Variants in ARID2 observed in about 807,000 individuals in gnomAD.
ARID2 encodes AT-rich interaction domain 2, also known as AT-rich interactive domain-containing protein 2.
A neutral mutation model predicts 184.6 loss-of-function variants in ARID2; 32 were observed. That is an observed-to-expected ratio of 0.17 (90% CI 0.13 to 0.23). ARID2 has a LOEUF of 0.23. Among genes scored for constraint, ARID2 ranks in the 10% least tolerant of loss-of-function variants. ARID2 has a pLI of 1.00. For synonymous variants in ARID2, 836 were observed against 772.6 expected (o/e 1.08, Z -1.36); for missense variants, 1,696 against 2,197.6 (o/e 0.77, Z 4.56).
chr12:45,745,997 T>C (rs945913644), intron 3 of ARID2, among the ~76,000 whole-genome samples: 2 of 152,216 alleles, frequency 1.3e-5, no homozygotes, highest in African/African-American at 4.8e-5. Flanking sequence ...TTGTTTTTTT[T>C]TTTAAATAAC....
In ARID2 at chr12:45,811,538, A is replaced by G; in HGVS notation, c.405A>G (p.Gln135=). The G allele has an allele frequency of 3.1e-6, 5 of 1,613,504 alleles. No homozygotes were observed. The highest frequency in any genetic ancestry group is 1.1e-5 in the South Asian group (1 of 90,944). Residue 135 remains glutamine (Q), a synonymous_variant, in exon 4 of 21, where the codon CAA becomes CAG. Coordinates refer to ENST00000334344, the MANE Select transcript of ARID2 (RefSeq NM_152641.4). ...GAIPSSYNYQ[Q]HSVSDYLRQS... ...TTCCATCTTCCTACAATTACCAGCA[A>G]CACAGTGTGTCGGGTAAATATCACT...
intron 6 of ARID2, among the ~76,000 whole-genome samples, chr12:45,829,205 G>A (rs185769176): frequency 1.1e-4 from 16 of 152,002 alleles, no homozygotes; most frequent in Non-Finnish European, 1.8e-4. Flanking sequence ...AATCATATAT[G>A]TATAGATCTT....
intron 3 of ARID2, among the ~76,000 whole-genome samples, chr12:45,735,535 C>A (rs1297995778): frequency 6.6e-6 from 1 of 151,234 alleles, no homozygotes; most frequent in Non-Finnish European, 1.5e-5. Context: ...CCTCAGCCTT[C>A]CAAAGTGCTG....
chr12:45,744,675 A>G (rs1456131064), intron 3 of ARID2, among the ~76,000 whole-genome samples: 1 of 152,140 alleles, frequency 6.6e-6, no homozygotes, highest in Non-Finnish European at 1.5e-5. Flanking sequence ...CTTGATTTTT[A>G]TATTCTCAAG....
intron 3 of ARID2, among the ~76,000 whole-genome samples, chr12:45,759,552 T>C (rs1452928763): frequency 1.3e-5 from 2 of 152,186 alleles, no homozygotes; most frequent in Non-Finnish European, 2.9e-5. Context: ...TAAAGGTAAT[T>C]GGTGTACTTA....
At chr12:45,896,100 G>A (rs531379944) in intron 20 of ARID2, among the ~76,000 whole-genome samples, 1 of 152,314 alleles carries the variant, frequency 6.6e-6, no homozygotes, top group South Asian at 2.1e-4. Flanking sequence ...AGTTATGTGT[G>A]AGTGACACGA....
chr12:45,766,829 T>G (rs1941781006), intron 3 of ARID2, among the ~76,000 whole-genome samples: 1 of 150,582 alleles, frequency 6.6e-6, no homozygotes, highest in African/African-American at 2.4e-5. Flanking sequence ...ATATTTAATT[T>G]TTAAAGAAGT....
At chr12:45,817,921 T>C (rs988126373) in intron 5 of ARID2, 33 bp downstream of exon 5, 3 of 1,537,792 alleles carry the variant, frequency 2.0e-6, no homozygotes, top group Non-Finnish European at 2.6e-6. Flanking sequence ...TATATAATTC[T>C]TCTGTAAAAG....
intron 20 of ARID2, among the ~76,000 whole-genome samples, chr12:45,900,372 G>C (rs921931396): frequency 6.6e-6 from 1 of 151,832 alleles, no homozygotes; most frequent in East Asian, 1.9e-4. Flanking sequence ...TTTTGTCTCT[G>C]TATTAGGCCC....
intron 3 of ARID2, among the ~76,000 whole-genome samples, chr12:45,736,033 T>C (rs1941110862): frequency 6.6e-6 from 1 of 152,222 alleles, no homozygotes. Context: ...TCATAGTTGA[T>C]CGTGTGAAAT....
chr12:45,869,856 C>G (rs974774054), intron 16 of ARID2, among the ~76,000 whole-genome samples: 1 of 152,088 alleles, frequency 6.6e-6, no homozygotes, highest in African/African-American at 2.4e-5. Flanking sequence ...GCATTCCAGC[C>G]TGTGTGACAG....
chr12:45,812,290 T>G (rs1188523933), intron 4 of ARID2, among the ~76,000 whole-genome samples: 2 of 151,868 alleles, frequency 1.3e-5, no homozygotes, highest in Non-Finnish European at 2.9e-5. Flanking sequence ...TCATTATTAT[T>G]ATTTACTGGT....
chr12:45,754,825 T>G (rs1941536106), intron 3 of ARID2, among the ~76,000 whole-genome samples: 1 of 152,210 alleles, frequency 6.6e-6, no homozygotes, highest in South Asian at 2.1e-4. Flanking sequence ...AATTAGTGCA[T>G]AGGAGTTACC....
At chr12:45,773,868 T>C (rs771470761) in intron 3 of ARID2, among the ~76,000 whole-genome samples, 3 of 152,292 alleles carry the variant, frequency 2.0e-5, no homozygotes, top group African/African-American at 4.8e-5. Flanking sequence ...ATAGACTTAG[T>C]TGGGGACAGA....
intron 16 of ARID2, among the ~76,000 whole-genome samples, chr12:45,864,208 T>A (rs1380703953): frequency 6.6e-6 from 1 of 152,108 alleles, no homozygotes; most frequent in African/African-American, 2.4e-5. Context: ...TCTTATATCA[T>A]CACATATTGA....
At chr12:45,801,788 A>T (rs1942506256) in intron 3 of ARID2, among the ~76,000 whole-genome samples, 3 of 151,978 alleles carry the variant, frequency 2.0e-5, no homozygotes. Flanking sequence ...AAATGTGTGT[A>T]TTGGGGGGTG....
intron 6 of ARID2, among the ~76,000 whole-genome samples, chr12:45,829,236 G>C (rs1943062802): frequency 6.6e-6 from 1 of 151,802 alleles, no homozygotes; most frequent in African/African-American, 2.4e-5. Flanking sequence ...CTTTTTCATT[G>C]GTTTATTTGC....
chr12:45,784,628 C>T (rs1592074587), intron 3 of ARID2, among the ~76,000 whole-genome samples: 2 of 152,108 alleles, frequency 1.3e-5, no homozygotes, highest in Non-Finnish European at 2.9e-5. Flanking sequence ...CGTGCTACTG[C>T]ACTCCAGCCT....
At chr12:45,803,916 T>C (rs1942552971) in intron 3 of ARID2, among the ~76,000 whole-genome samples, 1 of 152,164 alleles carries the variant, frequency 6.6e-6, no homozygotes, top group African/African-American at 2.4e-5. Context: ...AGGTTCCACT[T>C]GTCAAAAGCT....
Sources: allele counts gnomAD v4.1 joint callset (sites outside exome capture counted in the v4.1 genomes callset), GRCh38; gene constraint gnomAD v4.1.1; transcripts MANE v1.5; gene names NCBI Gene and HGNC (gene_info 2026-07-23, HGNC 2026-07-21).